TMCC1: variants seen among roughly 807,000 people sequenced by gnomAD.
TMCC1 encodes the protein transmembrane and coiled-coil domain family 1, also known as transmembrane and coiled-coil domains protein 1.
Under a neutral mutation model 52.4 loss-of-function variants are expected in TMCC1, and 15 were observed. That is an observed-to-expected ratio of 0.29 (90% CI 0.19 to 0.44). TMCC1 has a LOEUF of 0.44. Among genes scored for constraint, TMCC1 ranks in the 20% least tolerant of loss-of-function variants. The pLI is 1.00. For synonymous variants in TMCC1, 279 were observed against 301.9 expected, an observed-to-expected ratio of 0.92 and a Z score of 0.79; for missense variants, 503 against 806.0, an observed-to-expected ratio of 0.62 and a Z score of 4.55.
Position 129,827,921 on chromosome 3 carries a change from C to G in TMCC1, c.458G>C (p.Arg153Pro), listed in dbSNP as rs1307406700. 6.2e-7 allele frequency: 1 copy of G among 1,613,988 alleles called. No individual in the cohort carries two copies. Among genetic ancestry groups the G allele is most frequent in the Non-Finnish European group, 8.5e-7 (1 of 1,180,030 alleles). ...QEMTAVMQSG[R>P]PRSSSTTDAP... ...ATCAGTTGTGGATGAAGACCTGGGT[C>G]GGCCTGACTGCATAACAGCTGTCAT... Residue 153 changes from arginine (R) to proline (P), a missense_variant, in exon 4 of 7, where the codon CGA becomes CCA. Around this residue, in one of 7 missense-constraint regions of TMCC1, gnomAD observed 217 missense variants for 297.9 expected, o/e 0.73. Coordinates refer to ENST00000393238, the MANE Select transcript of TMCC1 (RefSeq NM_001017395.5).
intron 4 of TMCC1, among the ~76,000 whole-genome samples, chr3:129,813,579 C>T (rs2057941461): frequency 6.6e-6 from 1 of 151,950 alleles, no homozygotes; most frequent in African/African-American, 2.4e-5. Context: ...TCTCACTTAA[C>T]AAGAGGGAGT....
chr3:129,865,817 G>C (rs541865911), intron 2 of TMCC1, among the ~76,000 whole-genome samples: 2 of 152,310 alleles, frequency 1.3e-5, no homozygotes, highest in African/African-American at 4.8e-5. Context: ...AGTAAAACTA[G>C]AGGAGGTATA....
At chr3:129,845,729 C>T (rs1451384935) in intron 2 of TMCC1, among the ~76,000 whole-genome samples, 2 of 152,058 alleles carry the variant, frequency 1.3e-5, no homozygotes, top group African/African-American at 4.8e-5. Context: ...AATAGAATGT[C>T]CCCAAAGAGC....
At chr3:129,675,237 C>T (rs1261686790) in intron 4 of TMCC1, among the ~76,000 whole-genome samples, 1 of 152,196 alleles carries the variant, frequency 6.6e-6, no homozygotes, top group Non-Finnish European at 1.5e-5. Context: ...ATAAGGAAGG[C>T]TTTTCTTAAA....
chr3:129,772,617 G>T (rs2054684195), intron 4 of TMCC1, among the ~76,000 whole-genome samples: 1 of 150,990 alleles, frequency 6.6e-6, no homozygotes, highest in African/African-American at 2.4e-5. Context: ...CAGCTACTCA[G>T]GAGGCTGAGG....
At chr3:129,657,303 C>T (rs2086726689) in intron 5 of TMCC1, among the ~76,000 whole-genome samples, 1 of 152,156 alleles carries the variant, frequency 6.6e-6, no homozygotes, top group South Asian at 2.1e-4. Flanking sequence ...ATGGCTCATA[C>T]ATACCAGTAG....
At chr3:129,863,275 ATTTT>A (rs1397817881) in intron 2 of TMCC1, among the ~76,000 whole-genome samples, 1 of 152,188 alleles carries the variant, frequency 6.6e-6, no homozygotes, top group Non-Finnish European at 1.5e-5. Flanking sequence ...TAAATAATGA[ATTTT>A]TTAAGTGTTC....
intron 4 of TMCC1, among the ~76,000 whole-genome samples, chr3:129,760,820 CA>C (rs1456268487): frequency 6.6e-6 from 1 of 151,344 alleles, no homozygotes; most frequent in Non-Finnish European, 1.5e-5. Flanking sequence ...CCATGTTGCC[CA>C]GGCTGGTCTT....
At chr3:129,711,826 TAA>T (rs66986935) in intron 4 of TMCC1, among the ~76,000 whole-genome samples, 75 of 118,688 alleles carry the variant, frequency 6.3e-4, no homozygotes, top group African/African-American at 2.4e-3. Flanking sequence ...CCGTCTCTAC[TAA>T]AAAAAAAAAA....
At chr3:129,793,756 AC>A (rs1426457638) in intron 4 of TMCC1, among the ~76,000 whole-genome samples, 2 of 152,164 alleles carry the variant, frequency 1.3e-5, no homozygotes, top group Non-Finnish European at 1.5e-5. Flanking sequence ...CACACATGGA[AC>A]CTGCTTTTCA....
chr3:129,867,253 C>T (rs2060695542), intron 2 of TMCC1, among the ~76,000 whole-genome samples: 4 of 152,168 alleles, frequency 2.6e-5, no homozygotes, highest in Admixed American at 2.6e-4. Flanking sequence ...CTCACAAACA[C>T]AGAAACACAA....
At chr3:129,821,002 A>G (rs1367361915) in intron 4 of TMCC1, among the ~76,000 whole-genome samples, 1 of 152,234 alleles carries the variant, frequency 6.6e-6, no homozygotes, top group Non-Finnish European at 1.5e-5. Context: ...TTCTACTTCA[A>G]GAGTTAATTA....
chr3:129,864,004 A>G (rs549732105), intron 2 of TMCC1, among the ~76,000 whole-genome samples: 1 of 152,364 alleles, frequency 6.6e-6, no homozygotes, highest in South Asian at 2.1e-4. Flanking sequence ...TTGTGAAATA[A>G]TGCAAAGAAT....
intron 4 of TMCC1, among the ~76,000 whole-genome samples, chr3:129,701,223 T>A (rs1170124071): frequency 2.0e-5 from 3 of 152,278 alleles, no homozygotes; most frequent in East Asian, 3.9e-4. Context: ...AATCTAATAA[T>A]CAATTAACAT....
intron 4 of TMCC1, among the ~76,000 whole-genome samples, chr3:129,798,269 A>C (rs2107766140): frequency 6.6e-6 from 1 of 152,290 alleles, no homozygotes; most frequent in Non-Finnish European, 1.5e-5. Context: ...TGCTGGGATC[A>C]CAGGCATGAG....
Position 129,841,299 on chromosome 3 carries a change from A to T in TMCC1, c.-183-8473T>A, listed in dbSNP as rs186811902. 2.0e-5 allele frequency among the ~76,000 whole-genome samples: 3 copies of T among 152,362 alleles called. No homozygotes were observed. In the East Asian group the frequency reaches 5.8e-4, roughly 29 times the overall value. On this transcript the variant is annotated intron_variant, in intron 2 of 6. Coordinates refer to ENST00000393238, the MANE Select transcript of TMCC1 (RefSeq NM_001017395.5). ...GTGACCTGGCTTTTTCTGAAAGCGT[A>T]CTGTCAGCCGGGGACAGTGGCTCAT...
chr3:129,702,841 C>A (rs1576503448), intron 4 of TMCC1, among the ~76,000 whole-genome samples: 1 of 152,052 alleles, frequency 6.6e-6, no homozygotes, highest in South Asian at 2.1e-4. Context: ...CATGGTGAAA[C>A]CCCGTCTCCA....
intron 2 of TMCC1, among the ~76,000 whole-genome samples, chr3:129,841,901 C>T (rs1377890435): frequency 6.6e-6 from 1 of 152,202 alleles, no homozygotes; most frequent in Non-Finnish European, 1.5e-5. Flanking sequence ...CCTCCCCAGC[C>T]ATGCGGCACT....
chr3:129,756,749 T>C (rs1382048162), intron 4 of TMCC1, among the ~76,000 whole-genome samples: 1 of 152,154 alleles, frequency 6.6e-6, no homozygotes, highest in Non-Finnish European at 1.5e-5. Context: ...AGACTCAAAG[T>C]GTTACATGTT....
Sources: allele counts gnomAD v4.1 joint callset (sites outside exome capture counted in the v4.1 genomes callset), GRCh38; gene constraint gnomAD v4.1.1; regional missense constraint gnomAD v4.1.1; transcripts MANE v1.5; gene names NCBI Gene and HGNC (gene_info 2026-07-23, HGNC 2026-07-21).